The following FNIP2 variants were observed in gnomAD, a reference collection of about 807,000 sequenced individuals.
The protein encoded by FNIP2 is folliculin-interacting protein 2.
In FNIP2, 32 loss-of-function variants were observed where a neutral mutation model predicts 108.7. The ratio of observed to expected loss-of-function variants is 0.29; its 90% CI spans 0.22 to 0.40. FNIP2 has a LOEUF of 0.40. Among genes scored for constraint, FNIP2 ranks in the 10% least tolerant of loss-of-function variants. FNIP2 has a pLI of 1.00. For missense variants in FNIP2, 1,202 were observed against 1,381.6 expected (o/e 0.87, Z 2.06); for synonymous variants, 480 against 496.7 (o/e 0.97, Z 0.45).
At chr4:158,775,578 T>A (rs1033579427) in intron 1 of FNIP2, among the ~76,000 whole-genome samples, 6 of 128,444 alleles carry the variant, frequency 4.7e-5, no homozygotes, top group Admixed American at 1.6e-4. Flanking sequence ...GAGGGTGGGA[T>A]GGGGATGGAA....
At chr4:158,831,592 C>T (rs1778484435) in intron 3 of FNIP2, among the ~76,000 whole-genome samples, 1 of 152,028 alleles carries the variant, frequency 6.6e-6, no homozygotes, top group Admixed American at 6.6e-5. Context: ...CTTTGTTTCT[C>T]ATAACACAAA....
chr4:158,858,309 A>G (rs982863045), intron 8 of FNIP2, among the ~76,000 whole-genome samples: 7 of 151,858 alleles, frequency 4.6e-5, no homozygotes, highest in African/African-American at 1.7e-4. Flanking sequence ...TTTTATTTGT[A>G]CTCTTGCTGT....
intron 1 of FNIP2, among the ~76,000 whole-genome samples, chr4:158,805,624 G>T (rs1014046528): frequency 3.9e-5 from 6 of 152,184 alleles, no homozygotes; most frequent in Admixed American, 6.5e-5. Flanking sequence ...GCTGTTGTGG[G>T]TAACCATCCC....
chr4:158,854,879 C>G (rs1779898158), intron 8 of FNIP2, among the ~76,000 whole-genome samples: 1 of 152,154 alleles, frequency 6.6e-6, no homozygotes, highest in African/African-American at 2.4e-5. Flanking sequence ...GTCTTATGAT[C>G]TATTTTCAGG....
intron 1 of FNIP2, among the ~76,000 whole-genome samples, chr4:158,816,071 GTA>G (rs144424478): frequency 1.3e-5 from 2 of 150,842 alleles, no homozygotes; most frequent in African/African-American, 2.4e-5. Flanking sequence ...TGGGTCACGA[GTA>G]TATATATATA....
chr4:158,868,859 G>C lies in FNIP2; in HGVS notation c.2223G>C (p.Arg741=), dbSNP rs6833399. 779 of 1,613,970 alleles carry C rather than the reference G, an allele frequency of 4.8e-4. 2 individuals carry two copies. In the African/African-American group the frequency reaches 9.1e-3, roughly 19 times the overall value. ...FESRMKKMEE[R]VKACGPSLEA... is the part of the protein sequence containing the mutation. ...GCCGCATGAAAAAAATGGAGGAACG[G>C]GTGAAGGCCTGTGGCCCCTCCTTGG... The change falls in exon 13 of 17, where the codon CGG becomes CGC. Residue 741 remains arginine (R), a synonymous_variant. Coordinates refer to ENST00000264433, the MANE Select transcript of FNIP2 (RefSeq NM_020840.3). This position sits in a 1 kb window ranked among gnomAD's most constrained non-coding sequence, Gnocchi z 4.6.
chr4:158,862,190 C>A (rs1780336301), intron 12 of FNIP2, among the ~76,000 whole-genome samples: 1 of 152,070 alleles, frequency 6.6e-6, no homozygotes, highest in Non-Finnish European at 1.5e-5. Flanking sequence ...AACTGCCCCT[C>A]CCACCTCCCG....
At chr4:158,832,363 G>C (rs908093977) in intron 5 of FNIP2, among the ~76,000 whole-genome samples, 2 of 152,136 alleles carry the variant, frequency 1.3e-5, no homozygotes, top group Non-Finnish European at 2.9e-5. Context: ...TATATGTTTT[G>C]AGTCTCCATC....
At chr4:158,879,508 A>G (rs1047999489) in intron 14 of FNIP2, among the ~76,000 whole-genome samples, 7 of 150,338 alleles carry the variant, frequency 4.7e-5, no homozygotes, top group Non-Finnish European at 8.9e-5. Context: ...TGACCCCTTC[A>G]GCATATCTCA....
rs115176727 is a variant in FNIP2, at chr4:158,812,347, G to A, written c.108-13569G>A. ...AGGACTGACCCTCCTTTTTCCAGCC[G>A]GGTAGATAGAACAAGGAGGAGACGG... On this transcript the variant is annotated intron_variant, in intron 1 of 16. Transcript: ENST00000264433. Among the ~76,000 whole-genome samples, 910 of 152,074 alleles carry A rather than the reference G, an allele frequency of 6.0e-3. 6 individuals carry two copies. The highest frequency in any genetic ancestry group is 0.02 in the African/African-American group (830 of 41,484).
chr4:158,803,340 A>T (rs1776823260), intron 1 of FNIP2, among the ~76,000 whole-genome samples: 1 of 152,194 alleles, frequency 6.6e-6, no homozygotes, highest in Non-Finnish European at 1.5e-5. Context: ...AATGAATAAC[A>T]ATGTGAATAC....
chr4:158,831,561 A>G (rs541513066), intron 3 of FNIP2, among the ~76,000 whole-genome samples: 6 of 152,344 alleles, frequency 3.9e-5, no homozygotes, highest in African/African-American at 1.4e-4. Context: ...TTTAGAGTTT[A>G]TAAATGGAGA....
At chr4:158,890,127 T>C in intron 14 of FNIP2, 3 of 985,214 alleles carry the variant, frequency 3.0e-6, no homozygotes, top group African/African-American at 3.5e-5. Context: ...TTCAAAAATA[T>C]ACTTTATCAA....
chr4:158,785,709 T>TG (rs1491333054), intron 1 of FNIP2, among the ~76,000 whole-genome samples: 2 of 129,194 alleles, frequency 1.5e-5, no homozygotes, highest in Admixed American at 7.4e-5. Context: ...TTTCTTTCTT[T>TG]CTTTTTTTTT....
intron 1 of FNIP2, among the ~76,000 whole-genome samples, chr4:158,816,628 C>CA (rs999952983): frequency 5.3e-5 from 8 of 151,640 alleles, no homozygotes; most frequent in Admixed American, 2.0e-4. Context: ...ACTAAAAATA[C>CA]AAAAAAATTA....
chr4:158,868,167 A>G lies in FNIP2; in HGVS notation c.1531A>G (p.Lys511Glu), dbSNP rs183843185. The change falls in exon 13 of 17, where the codon AAG becomes GAG. Residue 511 changes from lysine to glutamate, a missense_variant. Around this residue, in one of 5 missense-constraint regions of FNIP2, gnomAD observed 878 missense variants for 990.3 expected, o/e 0.89. Transcript: ENST00000264433. The surrounding 1 kb of genome is among the most constrained non-coding windows in gnomAD (Gnocchi z 4.6). ...TCGCACCGTAGTGGTAGGGAAGCAG[A>G]AGGACTTAGTCCAGCGAATACTTTA... ...LTRTVVVGKQKDLVQRILYVL... is the reference protein window; with the variant it reads ...LTRTVVVGKQEDLVQRILYVL... 5.1e-5 allele frequency: 82 copies of G among 1,614,058 alleles called. No homozygotes were observed. In the Admixed American group the frequency reaches 5.5e-4, roughly 11 times the overall value.
intron 7 of FNIP2, among the ~76,000 whole-genome samples, chr4:158,841,139 A>C (rs1214428231): frequency 1.3e-5 from 2 of 152,132 alleles, no homozygotes; most frequent in Non-Finnish European, 2.9e-5. Context: ...TTACTCACAT[A>C]ATGAGGCTGT....
intron 14 of FNIP2, among the ~76,000 whole-genome samples, chr4:158,882,702 A>G (rs914772524): frequency 8.5e-5 from 13 of 152,282 alleles, no homozygotes; most frequent in African/African-American, 3.1e-4. Context: ...CTTACCCCCA[A>G]CCGGGTGCTC....
intron 7 of FNIP2, among the ~76,000 whole-genome samples, chr4:158,850,818 T>C (rs749999726): frequency 6.6e-6 from 1 of 151,778 alleles, no homozygotes; most frequent in Non-Finnish European, 1.5e-5. Flanking sequence ...AATATAGTTA[T>C]GTTGTGTGGA....
Sources: allele counts gnomAD v4.1 joint callset (sites outside exome capture counted in the v4.1 genomes callset), GRCh38; gene constraint gnomAD v4.1.1; regional missense constraint gnomAD v4.1.1; non-coding constraint Gnocchi (gnomAD v3.1); transcripts MANE v1.5; gene names NCBI Gene and HGNC (gene_info 2026-07-23, HGNC 2026-07-21).